The following UNC5D variants were observed in gnomAD, a reference collection of about 807,000 sequenced individuals.
UNC5D encodes the protein netrin receptor UNC5D.
A neutral mutation model predicts 105.4 loss-of-function variants in UNC5D; 39 were observed. The ratio of observed to expected loss-of-function variants is 0.37; its 90% CI spans 0.29 to 0.48. UNC5D has a LOEUF of 0.48. UNC5D is among the 20% of genes least tolerant of loss of function. The pLI, the probability that UNC5D is intolerant of heterozygous loss-of-function variation, is 0.98. For synonymous variants in UNC5D, 452 were observed against 450.4 expected, an observed-to-expected ratio of 1.00 and a Z score of -0.04; for missense variants, 991 against 1,202.4, an observed-to-expected ratio of 0.82 and a Z score of 2.60.
intron 1 of UNC5D, among the ~76,000 whole-genome samples, chr8:35,447,780 C>G (rs1807892978): frequency 6.6e-6 from 1 of 152,028 alleles, no homozygotes; most frequent in Non-Finnish European, 1.5e-5. Flanking sequence ...TCATCCTCTA[C>G]CCTCATCGAG....
intron 1 of UNC5D, among the ~76,000 whole-genome samples, chr8:35,371,657 A>T (rs1449742523): frequency 6.6e-6 from 1 of 152,122 alleles, no homozygotes; most frequent in Non-Finnish European, 1.5e-5. Flanking sequence ...AGACTTCAGA[A>T]GACTCACAGG....
intron 1 of UNC5D, among the ~76,000 whole-genome samples, chr8:35,322,053 G>A (rs1187243667): frequency 1.3e-5 from 2 of 152,142 alleles, no homozygotes; most frequent in Non-Finnish European, 2.9e-5. Context: ...GAACATAGTA[G>A]ATGTTCGCTT....
chr8:35,528,203 C>G (rs866997731), intron 1 of UNC5D, among the ~76,000 whole-genome samples: 7 of 151,426 alleles, frequency 4.6e-5, no homozygotes, highest in South Asian at 2.1e-4. Flanking sequence ...CCGCTCCCCC[C>G]ACCCCACCAC....
intron 4 of UNC5D, among the ~76,000 whole-genome samples, chr8:35,632,076 G>T (rs1822075650): frequency 6.6e-6 from 1 of 152,154 alleles, no homozygotes; most frequent in South Asian, 2.1e-4. Context: ...CCCAGCTCAA[G>T]CACAGGAATC....
At chr8:35,710,278 A>C (rs1827858525) in intron 8 of UNC5D, among the ~76,000 whole-genome samples, 1 of 152,192 alleles carries the variant, frequency 6.6e-6, no homozygotes, top group Non-Finnish European at 1.5e-5. Flanking sequence ...CAGAGTCAAA[A>C]GGATTTTCTG....
rs1259522684 is a variant in UNC5D at position 35,645,721 on chromosome 8, T to C, written c.571-37826T>C. Among the ~76,000 whole-genome samples the C allele has an allele frequency of 2.0e-5, 3 of 152,078 alleles. No homozygotes were observed. The East Asian group carries it at 5.8e-4, about 29-fold the overall frequency. On this transcript the variant is annotated intron_variant, in intron 4 of 16. Transcript: ENST00000404895. Reference sequence around the variant, plus strand: ...GTAGATATAGGCATTTTTCAGAGAATATAAAATGGCAGGGCAAAGGAATTT... The same window carrying C: ...GTAGATATAGGCATTTTTCAGAGAACATAAAATGGCAGGGCAAAGGAATTT...
chr8:35,441,242 A>G (rs1419933081), intron 1 of UNC5D, among the ~76,000 whole-genome samples: 2 of 151,946 alleles, frequency 1.3e-5, no homozygotes, highest in Non-Finnish European at 2.9e-5. Context: ...CTAGCTTTCA[A>G]TTACCTGCAT....
At chr8:35,475,051 A>C (rs1350277515) in intron 1 of UNC5D, among the ~76,000 whole-genome samples, 5 of 152,190 alleles carry the variant, frequency 3.3e-5, no homozygotes. Flanking sequence ...CAGAGGCTTT[A>C]TCTGGGCCTT....
At chr8:35,572,468 G>T (rs574583649) in intron 3 of UNC5D, among the ~76,000 whole-genome samples, 1 of 152,042 alleles carries the variant, frequency 6.6e-6, no homozygotes, top group East Asian at 1.9e-4. Context: ...ACCACTTTCA[G>T]ATCATTTGAT....
chr8:35,700,811 C>T (rs991307429), intron 7 of UNC5D, among the ~76,000 whole-genome samples: 4 of 152,268 alleles, frequency 2.6e-5, no homozygotes, highest in African/African-American at 9.6e-5. Flanking sequence ...TTGACCATGA[C>T]TCAGAGGCAA....
At chr8:35,356,187 T>C (rs1801543084) in intron 1 of UNC5D, among the ~76,000 whole-genome samples, 1 of 152,136 alleles carries the variant, frequency 6.6e-6, no homozygotes, top group African/African-American at 2.4e-5. Context: ...TTTACCTCGT[T>C]TGCCTATTTT....
intron 3 of UNC5D, among the ~76,000 whole-genome samples, chr8:35,588,904 G>C (rs779192849): frequency 6.6e-6 from 1 of 152,178 alleles, no homozygotes. Context: ...TTAGCCAGAC[G>C]TGGTGGCACA....
At chr8:35,655,501 C>A (rs1272797950) in intron 4 of UNC5D, among the ~76,000 whole-genome samples, 2 of 152,158 alleles carry the variant, frequency 1.3e-5, no homozygotes, top group Non-Finnish European at 2.9e-5. Flanking sequence ...ATCCTTTCTG[C>A]ATTTATTCAT....
intron 1 of UNC5D, among the ~76,000 whole-genome samples, chr8:35,325,408 T>C (rs1266045944): frequency 6.6e-6 from 1 of 152,124 alleles, no homozygotes; most frequent in African/African-American, 2.4e-5. Context: ...TCTCAGTGCA[T>C]AGACAAGGCA....
intron 1 of UNC5D, among the ~76,000 whole-genome samples, chr8:35,337,220 C>T (rs2128898457): frequency 6.6e-6 from 1 of 152,270 alleles, no homozygotes; most frequent in Admixed American, 6.5e-5. Context: ...CCCTCCCCCT[C>T]ACCTCCTTCC....
At chr8:35,267,082 A>AT (rs36035512) in intron 1 of UNC5D, among the ~76,000 whole-genome samples, 54,603 of 137,238 alleles carry the variant, frequency 0.4, 10,708 homozygotes, top group Middle Eastern at 0.44. Context: ...ACAGGGACTG[A>AT]TTTTTTTTTT....
intron 1 of UNC5D, among the ~76,000 whole-genome samples, chr8:35,454,219 G>C (rs915170062): frequency 1.3e-5 from 2 of 152,060 alleles, no homozygotes; most frequent in Admixed American, 6.6e-5. Context: ...CTCTTTAGCT[G>C]GGGGAGGGGG....
chr8:35,716,194 C>T (rs1453971715), intron 8 of UNC5D, among the ~76,000 whole-genome samples: 2 of 152,138 alleles, frequency 1.3e-5, no homozygotes, highest in African/African-American at 4.8e-5. Flanking sequence ...CAAAGCCTGA[C>T]TTTGCCATTT....
intron 11 of UNC5D, among the ~76,000 whole-genome samples, chr8:35,734,253 G>A (rs956383027): frequency 7.2e-6 from 1 of 139,362 alleles, no homozygotes; most frequent in Middle Eastern, 3.9e-3. Flanking sequence ...GGGTATGTAA[G>A]CCATCCATGC....
Sources: gnomAD v4.1 joint callset for allele counts (sites outside exome capture counted in the v4.1 genomes callset) on GRCh38, gnomAD v4.1.1 for gene constraint, MANE v1.5 for transcripts, NCBI Gene and HGNC (gene_info 2026-07-23, HGNC 2026-07-21) for gene names.